The following PTPRF variants were observed in gnomAD, a reference collection of about 807,000 sequenced individuals.
PTPRF encodes receptor-type tyrosine-protein phosphatase F.
In PTPRF, 59 loss-of-function variants were observed where a neutral mutation model predicts 201.8. The observed-to-expected ratio is 0.29, with a 90% CI of 0.24 to 0.36. The LOEUF is 0.36. Ranked by LOEUF, PTPRF falls within the 10% of genes least tolerant of loss-of-function variation. PTPRF has a pLI of 1.00. For synonymous variants in PTPRF, 1,088 were observed against 1,089.7 expected (o/e 1.00, Z 0.03); for missense variants, 2,132 against 2,690.5 (o/e 0.79, Z 4.59).
chr1:43,548,238 G>T (rs115597412), intron 3 of PTPRF, among the ~76,000 whole-genome samples: 1 of 152,090 alleles, frequency 6.6e-6, no homozygotes, highest in Non-Finnish European at 1.5e-5. Context: ...ACAGAGGTGG[G>T]GTCCGAAGAC....
At chr1:43,608,157 C>T (rs948244691) in intron 21 of PTPRF, among the ~76,000 whole-genome samples, 1 of 152,230 alleles carries the variant, frequency 6.6e-6, no homozygotes, top group African/African-American at 2.4e-5. Context: ...CTTCCCACTT[C>T]CACCTGCATT....
At chr1:43,599,012 C>A in intron 13 of PTPRF, 99 bp downstream of exon 13, 1 of 1,311,238 alleles carries the variant, frequency 7.6e-7, no homozygotes, top group Non-Finnish European at 1.1e-6. Context: ...CCCTGCCTGC[C>A]CTCAGCAGTG....
At position 43,542,106 on chromosome 1, in the gene PTPRF, T is replaced by G. The variant is rs1226852805; in HGVS notation, c.-45-2925T>G. On this transcript the variant is annotated intron_variant, in intron 2 of 33. Coordinates refer to ENST00000359947, the MANE Select transcript of PTPRF (RefSeq NM_002840.5). The surrounding 1 kb of genome is among the most constrained non-coding windows in gnomAD (Gnocchi z 5.2). Reference sequence around the variant, plus strand: ...ACAGGTGACCCTGGGACCCTGGGACTCTGGGGGCCAAGGTCTACTCTTGAG... The same window carrying G: ...ACAGGTGACCCTGGGACCCTGGGACGCTGGGGGCCAAGGTCTACTCTTGAG... Among the ~76,000 whole-genome samples the G allele has an allele frequency of 6.6e-6, 1 of 152,164 alleles. No homozygotes were observed. The highest frequency in any genetic ancestry group is 1.5e-5 in the Non-Finnish European group (1 of 68,016).
Position 43,591,106 on chromosome 1 carries a change from C to A in PTPRF, c.1084C>A (p.Pro362Thr). The A allele has an allele frequency of 6.2e-7, 1 of 1,613,878 alleles. No individual in the cohort carries two copies. ...GTACCGCGCAGCGGGCACGGAGGGC[C>A]CCTTTCAGGAGGTGGATGGTGTGGC... ...IQYRAAGTEGPFQEVDGVATT... is the reference protein window; with the variant it reads ...IQYRAAGTEGTFQEVDGVATT... Residue 362 changes from proline (P) to threonine (T), a missense_variant, in exon 9 of 34, where the codon CCC becomes ACC. Transcript: ENST00000359947.
chr1:43,578,960 G>A (rs1647124458), intron 7 of PTPRF, 40 bp downstream of exon 7: 8 of 1,588,406 alleles, frequency 5.0e-6, no homozygotes, highest in Admixed American at 3.3e-5. Context: ...TCACCACAGA[G>A]CTGTGCTGCA....
chr1:43,605,985 T>C (rs1317742753), intron 19 of PTPRF, among the ~76,000 whole-genome samples: 1 of 152,194 alleles, frequency 6.6e-6, no homozygotes, highest in African/African-American at 2.4e-5. Flanking sequence ...TTCAGTCCTT[T>C]CTCATAGCCA....
In PTPRF at chr1:43,603,084, G is replaced by C. The variant is rs77664463; in HGVS notation, c.2341-332G>C. On this transcript the variant is annotated intron_variant, in intron 14 of 33. Transcript: ENST00000359947. This position sits in a 1 kb window ranked among gnomAD's most constrained non-coding sequence, Gnocchi z 5.8. Reference sequence around the variant, plus strand: ...AAGAGCCACGCAAGGTGCTGGGTGCGTGCGAGGCTGTGCCCTGTTGATATC... The same window carrying C: ...AAGAGCCACGCAAGGTGCTGGGTGCCTGCGAGGCTGTGCCCTGTTGATATC... 2.6e-4 allele frequency among the ~76,000 whole-genome samples: 39 copies of C among 152,172 alleles called. No homozygotes were observed. Among genetic ancestry groups the C allele is most frequent in the African/African-American group, 8.7e-4 (36 of 41,432 alleles).
rs145734829 is a variant in PTPRF, at chr1:43,588,936, C to T, written c.885C>T (p.Asn295=). Residue 295 remains asparagine (N), a synonymous_variant, in exon 8 of 34, where the codon AAC becomes AAT. Coordinates refer to ENST00000359947, the MANE Select transcript of PTPRF (RefSeq NM_002840.5). The surrounding 1 kb of genome is among the most constrained non-coding windows in gnomAD (Gnocchi z 5.3). ...LELSNVVRSA[N]YTCVAISSLG... ...TCAGCAATGTCGTACGCTCTGCCAA[C>T]TACACCTGTGTGGCCATCTCCTCGC... 4 of 1,599,824 alleles carry T rather than the reference C, an allele frequency of 2.5e-6. No homozygotes were observed. The highest frequency in any genetic ancestry group is 1.7e-5 in the Admixed American group (1 of 59,520).
chr1:43,532,365 C>G (rs888656198), intron 1 of PTPRF, among the ~76,000 whole-genome samples: 10 of 152,202 alleles, frequency 6.6e-5, no homozygotes, highest in African/African-American at 2.4e-4. Context: ...GCTGCCCCAG[C>G]CTGGGGGTTG....
At chr1:43,550,323 C>G (rs1346817375) in intron 3 of PTPRF, among the ~76,000 whole-genome samples, 6 of 152,166 alleles carry the variant, frequency 3.9e-5, no homozygotes, top group Non-Finnish European at 5.9e-5. Flanking sequence ...GGCGTCTCCT[C>G]TCCGCTTCTT....
At position 43,591,267 on chromosome 1, in the gene PTPRF, C is replaced by G; in HGVS notation, c.1245C>G (p.Ser415Arg). Residue 415 changes from serine (S) to arginine (R), a missense_variant, in exon 9 of 34, where the codon AGC (serine) becomes AGG (arginine). Coordinates refer to ENST00000359947, the MANE Select transcript of PTPRF (RefSeq NM_002840.5). ...GCACGGGAGAACAGGCGCCCTCCAG[C>G]CCACCGCGCCGCGTGCAGGCACGCA... ...RARTGEQAPSSPPRRVQARML... is the reference protein window; with the variant it reads ...RARTGEQAPSRPPRRVQARML... The G allele has an allele frequency of 1.9e-6, 3 of 1,563,674 alleles. No individual in the cohort carries two copies. The highest frequency in any genetic ancestry group is 2.6e-6 in the Non-Finnish European group (3 of 1,156,464).
intron 7 of PTPRF, among the ~76,000 whole-genome samples, chr1:43,585,096 A>G: frequency 6.6e-6 from 1 of 152,236 alleles, no homozygotes; most frequent in East Asian, 1.9e-4. Context: ...GTTGGAGCCT[A>G]AGATTAGACC....
chr1:43,559,449 A>AGT (rs140510486), intron 5 of PTPRF, among the ~76,000 whole-genome samples: 9 of 151,578 alleles, frequency 5.9e-5, no homozygotes, highest in Non-Finnish European at 8.8e-5. Context: ...GGCAGTAGGC[A>AGT]GTGTGTGTGT....
chr1:43,615,551 C>CTTTTTTTTTTTTTTTTTT (rs68193223), intron 23 of PTPRF, among the ~76,000 whole-genome samples: 5 of 84,160 alleles, frequency 5.9e-5, no homozygotes, highest in Middle Eastern at 6.8e-3. Context: ...GCTCTGTTGT[C>CTTTTTTTTTTTTTTTTTT]TTTTTTTTTT....
chr1:43,526,440 T>A (rs74071929), upstream of PTPRF, among the ~76,000 whole-genome samples: 4,586 of 141,600 alleles, frequency 0.032, 139 homozygotes, highest in African/African-American at 0.082. Context: ...ACAAAAAAAA[T>A]TTTTTTTTTT....
chr1:43,617,160 A>C (rs1658070502), intron 23 of PTPRF, among the ~76,000 whole-genome samples: 1 of 152,084 alleles, frequency 6.6e-6, no homozygotes, highest in African/African-American at 2.4e-5. Flanking sequence ...AGGTGAGTGC[A>C]GGGCTTCGAG....
At chr1:43,569,813 A>T (rs1275148926) in intron 6 of PTPRF, 35 bp downstream of exon 6, 1 of 1,567,512 alleles carries the variant, frequency 6.4e-7, no homozygotes, top group Admixed American at 1.8e-5. Flanking sequence ...GGCCATGCAG[A>T]CCTCAGAACA....
At chr1:43,562,474 C>T (rs1410075060) in intron 5 of PTPRF, among the ~76,000 whole-genome samples, 3 of 151,860 alleles carry the variant, frequency 2.0e-5, no homozygotes, top group East Asian at 3.9e-4. Context: ...GGCGTGATCT[C>T]GGCTCACTGC....
intron 1 of PTPRF, among the ~76,000 whole-genome samples, chr1:43,532,918 C>G (rs555302592): frequency 2.0e-5 from 3 of 152,282 alleles, no homozygotes; most frequent in African/African-American, 7.2e-5. Flanking sequence ...TTCTTGCCCC[C>G]TCTCGCATAC....
Sources: gnomAD v4.1 joint callset for allele counts (sites outside exome capture counted in the v4.1 genomes callset) on GRCh38, gnomAD v4.1.1 for gene constraint, Gnocchi (gnomAD v3.1) non-coding constraint, MANE v1.5 for transcripts, NCBI Gene and HGNC (gene_info 2026-07-23, HGNC 2026-07-21) for gene names.